Variants in CERS6 observed in about 807,000 individuals in gnomAD.
The protein encoded by CERS6 is LAG1 homolog, ceramide synthase 6.
CERS6 carries 26 observed loss-of-function variants against 56.8 expected under a neutral mutation model. That is an observed-to-expected ratio of 0.46 (90% CI 0.34 to 0.63). The LOEUF (loss-of-function observed/expected upper bound fraction) is 0.63. CERS6 is among the 30% of genes least tolerant of loss of function. The probability of loss-of-function intolerance (pLI) is 0.01; values close to 1 mark genes in which losing one functional copy is unlikely to be tolerated. For missense variants in CERS6, 415 were observed against 467.5 expected (o/e 0.89, Z 1.04); for synonymous variants, 164 against 173.3 (o/e 0.95, Z 0.42).
intron 1 of CERS6, among the ~76,000 whole-genome samples, chr2:168,495,021 C>T (rs1694440969): frequency 6.6e-6 from 1 of 152,170 alleles, no homozygotes; most frequent in South Asian, 2.1e-4. Context: ...TAAGTTATTG[C>T]TGTCAGGTGC....
chr2:168,738,746 A>G (rs973969732), intron 8 of CERS6, among the ~76,000 whole-genome samples: 46 of 152,364 alleles, frequency 3.0e-4, no homozygotes, highest in African/African-American at 1.1e-3. Context: ...ACCAACAGGG[A>G]TACAAAATGA....
At chr2:168,488,485 T>C (rs1396536830) in intron 1 of CERS6, among the ~76,000 whole-genome samples, 4 of 152,162 alleles carry the variant, frequency 2.6e-5, no homozygotes, top group South Asian at 2.1e-4. Context: ...AGGCAGCATA[T>C]AGTTGGTTCT....
intron 8 of CERS6, among the ~76,000 whole-genome samples, chr2:168,718,816 G>C (rs75128656): frequency 6.6e-6 from 1 of 152,076 alleles, no homozygotes; most frequent in Non-Finnish European, 1.5e-5. Context: ...CTTGTTTCAG[G>C]TATATAAAAG....
At chr2:168,501,410 C>CAGTTT (rs1694578133) in intron 1 of CERS6, among the ~76,000 whole-genome samples, 1 of 152,188 alleles carries the variant, frequency 6.6e-6, no homozygotes. Context: ...CGTGATGCTG[C>CAGTTT]AGTTTTTGGC....
At chr2:168,648,471 C>T (rs937386571) in intron 4 of CERS6, among the ~76,000 whole-genome samples, 1 of 152,000 alleles carries the variant, frequency 6.6e-6, no homozygotes, top group Non-Finnish European at 1.5e-5. Context: ...TCCAAAGAAC[C>T]AACTTCTGGA....
At chr2:168,688,545 A>T (rs2105358312) in intron 4 of CERS6, among the ~76,000 whole-genome samples, 2 of 152,324 alleles carry the variant, frequency 1.3e-5, no homozygotes, top group South Asian at 4.1e-4. Flanking sequence ...AAATTGGGAA[A>T]GATATTTGTT....
At chr2:168,639,189 T>A (rs1159621140) in intron 4 of CERS6, among the ~76,000 whole-genome samples, 1 of 152,202 alleles carries the variant, frequency 6.6e-6, no homozygotes, top group East Asian at 1.9e-4. Context: ...CTAATTTATA[T>A]GCTGTGACAA....
chr2:168,711,385 A>G (rs1306910302), intron 6 of CERS6, among the ~76,000 whole-genome samples: 3 of 152,238 alleles, frequency 2.0e-5, no homozygotes, highest in East Asian at 1.9e-4. Context: ...CACTGTGGCT[A>G]TGAAGCCTAG....
intron 8 of CERS6, among the ~76,000 whole-genome samples, chr2:168,759,542 G>A (rs764807225): frequency 6.6e-6 from 1 of 152,110 alleles, no homozygotes; most frequent in East Asian, 1.9e-4. Context: ...TTTCTTAGAA[G>A]CCATAGGTTG....
intron 4 of CERS6, among the ~76,000 whole-genome samples, chr2:168,645,140 TATAGAGAGAGAGAGAGAGAGAGAGAG>T (rs1685158930): frequency 4.2e-5 from 1 of 23,656 alleles, no homozygotes; most frequent in African/African-American, 2.0e-4. Flanking sequence ...TATATATATA[TATAGAGAGAGAGAGAGAGAGAGAGAG>T]AGAGAGAGAG....
At chr2:168,510,313 C>T (rs1316688858) in intron 1 of CERS6, among the ~76,000 whole-genome samples, 2 of 152,214 alleles carry the variant, frequency 1.3e-5, no homozygotes, top group African/African-American at 4.8e-5. Flanking sequence ...GTCCTGCAAG[C>T]TCCATTCATG....
intron 4 of CERS6, among the ~76,000 whole-genome samples, chr2:168,675,025 G>A (rs1686020281): frequency 6.6e-6 from 1 of 151,662 alleles, no homozygotes; most frequent in African/African-American, 2.4e-5. Context: ...CGCCAGGCTG[G>A]AGTGCAGTGG....
At chr2:168,512,048 G>A (rs552326248) in intron 1 of CERS6, among the ~76,000 whole-genome samples, 1 of 152,214 alleles carries the variant, frequency 6.6e-6, no homozygotes, top group South Asian at 2.1e-4. Flanking sequence ...TGAACCCTTA[G>A]CACGTTAGCC....
At chr2:168,555,722 C>CTCTGTG (rs1261403157) in intron 2 of CERS6, among the ~76,000 whole-genome samples, 1,985 of 140,952 alleles carry the variant, frequency 0.014, 43 homozygotes, top group East Asian at 0.086. Context: ...ATAATTGACT[C>CTCTGTG]TGTGTGTGTG....
At chr2:168,680,277 A>C (rs1027417774) in intron 4 of CERS6, among the ~76,000 whole-genome samples, 2 of 152,228 alleles carry the variant, frequency 1.3e-5, no homozygotes, top group Non-Finnish European at 2.9e-5. Context: ...GTGGTCTGCC[A>C]AGCAGGCAGG....
At chr2:168,680,895 C>G (rs893546619) in intron 4 of CERS6, among the ~76,000 whole-genome samples, 1 of 152,162 alleles carries the variant, frequency 6.6e-6, no homozygotes, top group Non-Finnish European at 1.5e-5. Context: ...CAAAGTGGAC[C>G]AAGTGCCTTT....
chr2:168,760,412 T>C (rs1684540826), intron 8 of CERS6, among the ~76,000 whole-genome samples: 1 of 152,158 alleles, frequency 6.6e-6, no homozygotes, highest in East Asian at 1.9e-4. Context: ...GATTAGATTG[T>C]GCCCACCAGA....
At chr2:168,761,011 C>A (rs1257525646) in intron 8 of CERS6, among the ~76,000 whole-genome samples, 1 of 152,174 alleles carries the variant, frequency 6.6e-6, no homozygotes, top group Non-Finnish European at 1.5e-5. Flanking sequence ...CCCGCCTCGG[C>A]CTCCCAAAGT....
chr2:168,545,150 T>C (rs531984401), intron 1 of CERS6, among the ~76,000 whole-genome samples: 34 of 151,876 alleles, frequency 2.2e-4, no homozygotes, highest in Admixed American at 1.6e-3. Flanking sequence ...TAGAAACACA[T>C]ACATGTATTT....
Sources: allele counts gnomAD v4.1 joint callset (sites outside exome capture counted in the v4.1 genomes callset), GRCh38; gene constraint gnomAD v4.1.1; transcripts MANE v1.5; gene names NCBI Gene and HGNC (gene_info 2026-07-23, HGNC 2026-07-21).